The following SENP8 variants were observed in gnomAD, a reference collection of about 807,000 sequenced individuals.
The protein encoded by SENP8 is sentrin-specific protease 8.
In SENP8, 10 loss-of-function variants were observed where a neutral mutation model predicts 14.4. That is an observed-to-expected ratio of 0.69 (90% CI 0.43 to 1.18). The LOEUF (loss-of-function observed/expected upper bound fraction) is 1.18, where lower values mean the gene tolerates loss of function less well. SENP8 is among the 50% of genes most tolerant of loss of function. The probability of loss-of-function intolerance (pLI) is 0.00; values close to 1 mark genes in which losing one functional copy is unlikely to be tolerated. For synonymous variants in SENP8, 94 were observed against 95.5 expected (o/e 0.98, Z 0.09); for missense variants, 202 against 249.4 (o/e 0.81, Z 1.28).
At chr15:72,120,791 G>A (rs915038023) in intron 1 of SENP8, among the ~76,000 whole-genome samples, 1 of 152,178 alleles carries the variant, frequency 6.6e-6, no homozygotes, top group Non-Finnish European at 1.5e-5. Context: ...AATGCCTGCA[G>A]CAACTTTAAT....
At chr15:72,121,840 T>C (rs1369175166) in intron 1 of SENP8, among the ~76,000 whole-genome samples, 1 of 152,206 alleles carries the variant, frequency 6.6e-6, no homozygotes, top group Non-Finnish European at 1.5e-5. Flanking sequence ...CAGGAATATA[T>C]ACCCCAGTGT....
intron 1 of SENP8, among the ~76,000 whole-genome samples, chr15:72,136,916 TCAAATATTCTACACC>T (rs2140522385): frequency 6.6e-6 from 1 of 152,316 alleles, no homozygotes; most frequent in South Asian, 2.1e-4. Flanking sequence ...TCTGTTAGGC[TCAAATATTCTACACC>T]CATCAGACTT....
chr15:72,133,825 A>T (rs2081300259), intron 1 of SENP8, among the ~76,000 whole-genome samples: 1 of 152,244 alleles, frequency 6.6e-6, no homozygotes, highest in Admixed American at 6.5e-5. Context: ...CCCTGACACA[A>T]AGGAGAACAC....
At position 72,126,765 on chromosome 15, in the gene SENP8, T is replaced by A. The variant is rs2140502981; in HGVS notation, c.-48+8301T>A. 1.3e-5 allele frequency among the ~76,000 whole-genome samples: 2 copies of A among 152,326 alleles called. 1 individual carries two copies. The highest frequency in any genetic ancestry group is 4.1e-4 in the South Asian group (2 of 4,826). Reference sequence around the variant, plus strand: ...TCCTGATTTGTCAGGCAAACATGATTACTACTACACTATGAGAACAGACTC... The same window carrying A: ...TCCTGATTTGTCAGGCAAACATGATAACTACTACACTATGAGAACAGACTC... On this transcript the variant is annotated intron_variant, in intron 1 of 1. Coordinates refer to ENST00000340912, the MANE Select transcript of SENP8 (RefSeq NM_145204.4).
intron 1 of SENP8, among the ~76,000 whole-genome samples, chr15:72,124,652 GAAGT>G (rs2081199294): frequency 2.0e-5 from 3 of 152,240 alleles, no homozygotes; most frequent in East Asian, 3.9e-4. Context: ...CCAGAGGACA[GAAGT>G]AAGACTCAGA....
intron 1 of SENP8, among the ~76,000 whole-genome samples, chr15:72,123,899 A>G (rs1310081973): frequency 2.0e-5 from 3 of 152,232 alleles, no homozygotes; most frequent in Non-Finnish European, 4.4e-5. Flanking sequence ...TTTCATGGTC[A>G]ATGACACCTT....
In SENP8 at chr15:72,140,218, A is replaced by T; in HGVS notation, c.595A>T (p.Arg199Trp). ...LLTPAYITKKRGEWKDLITTL... is the reference protein window; with the variant it reads ...LLTPAYITKKWGEWKDLITTL... ...CACCCCTGCATACATCACAAAGAAG[A>T]GGGGAGAATGGAAAGATCTCATTAC... Residue 199 changes from arginine (R) to tryptophan (W), a missense_variant, in exon 2 of 2, where the codon AGG becomes TGG. Coordinates refer to ENST00000340912, the MANE Select transcript of SENP8 (RefSeq NM_145204.4). 6.2e-7 allele frequency: 1 copy of T among 1,614,080 alleles called. No homozygotes were observed. The highest frequency in any genetic ancestry group is 8.5e-7 in the Non-Finnish European group (1 of 1,179,976).
intron 1 of SENP8, among the ~76,000 whole-genome samples, chr15:72,133,883 G>A (rs2081301247): frequency 6.6e-6 from 1 of 152,064 alleles, no homozygotes. Context: ...TCAGTCATTG[G>A]GTTATAAATT....
chr15:72,139,117 A>G (rs2081355579), intron 1 of SENP8, among the ~76,000 whole-genome samples: 1 of 152,084 alleles, frequency 6.6e-6, no homozygotes, highest in Admixed American at 6.6e-5. Flanking sequence ...TAAATGTATT[A>G]TATACATTTA....
At chr15:72,118,177 A>C (rs998448525), upstream of SENP8, 1 of 364,918 alleles carries the variant, frequency 2.7e-6, no homozygotes, top group Non-Finnish European at 4.9e-6. Flanking sequence ...CCCTACTGCC[A>C]GCACGGGTCG....
At chr15:72,119,056 G>A (rs368201548) in intron 1 of SENP8, among the ~76,000 whole-genome samples, 1 of 152,262 alleles carries the variant, frequency 6.6e-6, no homozygotes, top group East Asian at 1.9e-4. Flanking sequence ...TAAACCTGAT[G>A]GAAACCGTAC....
In SENP8 at chr15:72,141,321, G is replaced by T. The variant is rs1340123101; in HGVS notation, c.*1059G>T. 1 of 152,150 alleles carries T rather than the reference G, an allele frequency of 6.6e-6. No homozygotes were observed. The highest frequency in any genetic ancestry group is 1.5e-5 in the Non-Finnish European group (1 of 68,036). The allele number at this position is 152,150 out of a possible 1,614,324, so 9.4% of individuals were successfully genotyped here. ...TCAGCCCTTTTACTTAATTAAAAAT[G>T]CAGGGAATGTAATTTGTAAAATGTG... On this transcript the variant is annotated 3_prime_UTR_variant, in exon 2 of 2. Transcript: ENST00000340912.
At chr15:72,131,720 A>G (rs2081275525) in intron 1 of SENP8, among the ~76,000 whole-genome samples, 2 of 152,246 alleles carry the variant, frequency 1.3e-5, no homozygotes, top group Admixed American at 6.5e-5. Flanking sequence ...CTGACAACAC[A>G]TTAACATCAT....
intron 1 of SENP8, among the ~76,000 whole-genome samples, chr15:72,128,241 G>A (rs1476938467): frequency 6.6e-6 from 1 of 152,144 alleles, no homozygotes; most frequent in Non-Finnish European, 1.5e-5. Context: ...TCTGATTATG[G>A]CAGGCAAAAT....
At chr15:72,132,488 G>T (rs951436884) in intron 1 of SENP8, among the ~76,000 whole-genome samples, 1 of 151,748 alleles carries the variant, frequency 6.6e-6, no homozygotes, top group Non-Finnish European at 1.5e-5. Context: ...CTTCAGATAT[G>T]CCAGGCACAG....
At chr15:72,130,938 G>A (rs1295623331) in intron 1 of SENP8, among the ~76,000 whole-genome samples, 1 of 152,180 alleles carries the variant, frequency 6.6e-6, no homozygotes, top group African/African-American at 2.4e-5. Flanking sequence ...TATAGAGCTA[G>A]TGGAAACTTA....
chr15:72,140,844 TATA>T lies in SENP8; in HGVS notation c.*585_*587del, dbSNP rs2081374529. 6.0e-6 allele frequency: 1 copy of T among 167,242 alleles called. No individual in the cohort carries two copies. The highest frequency in any genetic ancestry group is 2.1e-4 in the South Asian group (1 of 4,838). The allele number at this position is 167,242 out of a possible 1,614,324, so 10.4% of individuals were successfully genotyped here. A position where few individuals can be genotyped will look rare whatever the true frequency, so the allele number is the denominator to read the frequency against. ...ATGCACAGGCTTTTCCAGCTATCTA[TATA>T]ATGTTTGCAAATATTTGATAAAGAT... On this transcript the variant is annotated 3_prime_UTR_variant, in exon 2 of 2. Transcript: ENST00000340912.
intron 1 of SENP8, chr15:72,139,373 G>A (rs370012169): frequency 5.6e-4 from 258 of 464,614 alleles, no homozygotes; most frequent in African/African-American, 4.3e-3. Flanking sequence ...CTGAAGAGGA[G>A]GAGGAAAAGG....
intron 1 of SENP8, among the ~76,000 whole-genome samples, chr15:72,127,025 T>C (rs552865198): frequency 6.6e-6 from 1 of 152,322 alleles, no homozygotes; most frequent in South Asian, 2.1e-4. Context: ...ATGTAAACAT[T>C]TCTCTGCCGA....
Sources: gnomAD v4.1 joint callset for allele counts (sites outside exome capture counted in the v4.1 genomes callset) on GRCh38, gnomAD v4.1.1 for gene constraint, MANE v1.5 for transcripts, NCBI Gene and HGNC (gene_info 2026-07-23, HGNC 2026-07-21) for gene names.